PLD4: variants seen among roughly 807,000 people sequenced by gnomAD.
PLD4 encodes phospholipase D family member 4, also known as 5'-3' exonuclease PLD4.
A neutral mutation model predicts 52.3 loss-of-function variants in PLD4; 54 were observed. The ratio of observed to expected loss-of-function variants is 1.03; its 90% CI spans 0.83 to 1.30. PLD4 has a LOEUF of 1.30. PLD4 is among the 50% of genes most tolerant of loss of function. PLD4 has a pLI of 0.00. For synonymous variants in PLD4, 264 were observed against 286.5 expected (o/e 0.92, Z 0.79); for missense variants, 731 against 671.1 (o/e 1.09, Z -0.99).
rs1040311683 is a variant in PLD4, at chr14:104,928,934, T to C, written c.468+2T>C. ...GTCAACGACTCGTCTTCCCAGCTGG[T>C]GCGCCCCGCCCTGGCCCCACCGCAT... On this transcript the variant is annotated splice_donor_variant, in intron 4 of 10. Transcript: ENST00000392593. LOFTEE classifies it high-confidence loss of function. 1.3e-6 allele frequency: 2 copies of C among 1,594,716 alleles called. No homozygotes were observed. The highest frequency in any genetic ancestry group is 8.6e-7 in the Non-Finnish European group (1 of 1,165,970).
chr14:104,925,576 C>G (rs924337516), intron 1 of PLD4, among the ~76,000 whole-genome samples: 4 of 152,144 alleles, frequency 2.6e-5, no homozygotes, highest in African/African-American at 9.7e-5. Context: ...GAGCAGCTGT[C>G]CAAGAACAGC....
At chr14:104,925,523 T>C (rs546284035) in intron 1 of PLD4, among the ~76,000 whole-genome samples, 24 of 151,568 alleles carry the variant, frequency 1.6e-4, no homozygotes, top group Non-Finnish European at 3.1e-4. Context: ...CTGGAGCATT[T>C]AAGGGAGCAA....
In PLD4 at chr14:104,932,504, G is replaced by T; in HGVS notation, c.1321+149G>T. The T allele has an allele frequency of 1.0e-6, 1 of 954,090 alleles. No individual in the cohort carries two copies. The allele number at this position is 954,090 out of a possible 1,614,324, so 59.1% of individuals were successfully genotyped here. On this transcript the variant is annotated intron_variant, in intron 10 of 10. Transcript: ENST00000392593. This position sits in a 1 kb window ranked among gnomAD's most constrained non-coding sequence, Gnocchi z 6.5. ...GTCTCCATGGAGTTCCGGGGACCAG[G>T]CCACCCGCCTGTCACCTGGCCCCAC...
At position 104,931,975 on chromosome 14, in the gene PLD4, G is replaced by A. The variant is rs763279228; in HGVS notation, c.1059-37G>A. The A allele has an allele frequency of 2.6e-4, 393 of 1,540,098 alleles. 1 individual carries two copies. The highest frequency in any genetic ancestry group is 6.9e-4 in the Middle Eastern group (4 of 5,814). ...TCCTGCTGGGACCCCTATCGGGCCCGGCTTGTAAGCAGAGCCCCGTCCCTC... is the reference window on the plus strand; with the variant it reads ...TCCTGCTGGGACCCCTATCGGGCCCAGCTTGTAAGCAGAGCCCCGTCCCTC... On this transcript the variant is annotated intron_variant, in intron 8 of 10. Transcript: ENST00000392593.
In PLD4 at chr14:104,930,105, G is replaced by C; in HGVS notation, c.717G>C (p.Gln239His). ...SANMDWRSLTQVKELGAVIYN... is the reference protein window; with the variant it reads ...SANMDWRSLTHVKELGAVIYN... ...ACATGGACTGGCGGTCTCTGACGCA[G>C]GTGAGTGCCAGGGCCCTAACACAGG... Residue 239 changes from glutamine to histidine, a missense_variant and splice_region_variant, in exon 6 of 11, where the codon CAG becomes CAC. Coordinates refer to ENST00000392593, the MANE Select transcript of PLD4 (RefSeq NM_138790.5). The C allele has an allele frequency of 6.2e-7, 1 of 1,613,258 alleles. No individual in the cohort carries two copies. The highest frequency in any genetic ancestry group is 8.5e-7 in the Non-Finnish European group (1 of 1,179,968).
intron 6 of PLD4, 68 bp from the exon 7 acceptor site, chr14:104,930,674 G>A: frequency 1.9e-6 from 3 of 1,542,508 alleles, no homozygotes; most frequent in Non-Finnish European, 2.7e-6. Context: ...TCCCTGGCCT[G>A]GGTGGAGTGG....
chr14:104,928,902 C>A lies in PLD4; in HGVS notation c.438C>A (p.Asp146Glu). 6.2e-7 allele frequency: 1 copy of A among 1,606,362 alleles called. No individual in the cohort carries two copies. ...ACTACTGGTCCCTCACAGGGCCTGACATCGGGGTCAACGACTCGTCTTCCC... is the reference window on the plus strand; with the variant it reads ...ACTACTGGTCCCTCACAGGGCCTGAAATCGGGGTCAACGACTCGTCTTCCC... The part of the protein sequence containing the change: ...ASYYWSLTGP[D>E]IGVNDSSSQL... Residue 146 changes from aspartate to glutamate, a missense_variant, in exon 4 of 11, where the codon GAC becomes GAA. Physicochemically the swap from Asp to Glu is conservative, Grantham distance 45. Coordinates refer to ENST00000392593, the MANE Select transcript of PLD4 (RefSeq NM_138790.5).
intron 5 of PLD4, 38 bp downstream of exon 5, chr14:104,929,465 C>T (rs751404249): frequency 5.5e-5 from 83 of 1,512,782 alleles, no homozygotes; most frequent in African/African-American, 1.8e-4. Flanking sequence ...ACTGCCCTAG[C>T]GTCGGGCATG....
At chr14:104,928,046 G>T (rs1897518151) in intron 3 of PLD4, among the ~76,000 whole-genome samples, 180 bp downstream of exon 3, 1 of 152,144 alleles carries the variant, frequency 6.6e-6, no homozygotes, top group Non-Finnish European at 1.5e-5. Flanking sequence ...GGACGGGGCA[G>T]GCGTGTGGTG....
At chr14:104,926,320 CT>C (rs1897454558) in intron 1 of PLD4, among the ~76,000 whole-genome samples, 1 of 152,202 alleles carries the variant, frequency 6.6e-6, no homozygotes, top group African/African-American at 2.4e-5. Context: ...CGCCTCTGTA[CT>C]TGTGAGGCAC....
chr14:104,927,178 C>A lies in PLD4; in HGVS notation c.38C>A (p.Thr13Lys), dbSNP rs1897483152. 6.4e-7 allele frequency: 1 copy of A among 1,562,758 alleles called. No individual in the cohort carries two copies. Among genetic ancestry groups the A allele is most frequent in the East Asian group, 2.4e-5 (1 of 41,874 alleles). Reference protein sequence around the residue: ...KPLWKAAVAPTWPCSMPPRRP... With the variant: ...KPLWKAAVAPKWPCSMPPRRP... The stretch of plus-strand genomic sequence containing the variant: ...CTTTGGAAAGCAGCAGTGGCCCCCA[C>A]ATGGCCATGCTCCATGCCGCCCCGC... The change falls in exon 2 of 11, where the codon ACA becomes AAA. Residue 13 changes from threonine to lysine, a missense_variant. By Grantham distance (78) the Thr-to-Lys change is moderately conservative (BLOSUM62 -1). Coordinates refer to ENST00000392593, the MANE Select transcript of PLD4 (RefSeq NM_138790.5).
At position 104,930,939 on chromosome 14, in the gene PLD4, C is replaced by G; in HGVS notation, c.915C>G (p.Phe305Leu). 6.2e-7 allele frequency: 1 copy of G among 1,612,906 alleles called. No homozygotes were observed. Residue 305 changes from phenylalanine to leucine, a missense_variant, in exon 7 of 11, where the codon TTC becomes TTG. Coordinates refer to ENST00000392593, the MANE Select transcript of PLD4 (RefSeq NM_138790.5). The stretch of plus-strand genomic sequence containing the variant: ...ATGGGGTGCCCACCACTGCCTACTT[C>G]TCAGTAAGACGGGTTGAGAAGGAGC... ...LFDGVPTTAYFSASPPALCPQ... is the reference protein window; with the variant it reads ...LFDGVPTTAYLSASPPALCPQ...
At chr14:104,937,187 A>C (rs1179311030), downstream of PLD4, 2 of 152,234 alleles carry the variant, frequency 1.3e-5, no homozygotes, top group East Asian at 3.8e-4. Context: ...AGAGACCAGG[A>C]GTGTGTGGGA....
At position 104,928,915 on chromosome 14, in the gene PLD4, G is replaced by A. The variant is rs778769968; in HGVS notation, c.451G>A (p.Asp151Asn). Residue 151 changes from aspartate (D) to asparagine (N), a missense_variant, in exon 4 of 11, where the codon GAC (aspartate) becomes AAC (asparagine). By Grantham distance (23) the Asp-to-Asn change is conservative. Coordinates refer to ENST00000392593, the MANE Select transcript of PLD4 (RefSeq NM_138790.5). The part of the protein sequence containing the change: ...SLTGPDIGVN[D>N]SSSQLGEALL... Reference sequence around the variant, plus strand: ...CACAGGGCCTGACATCGGGGTCAACGACTCGTCTTCCCAGCTGGTGCGCCC... The same window carrying A: ...CACAGGGCCTGACATCGGGGTCAACAACTCGTCTTCCCAGCTGGTGCGCCC... 1.1e-5 allele frequency: 17 copies of A among 1,601,302 alleles called. No homozygotes were observed. Among genetic ancestry groups the A allele is most frequent in the African/African-American group, 5.4e-5 (4 of 74,714 alleles).
At position 104,927,249 on chromosome 14, in the gene PLD4, A is replaced by G; in HGVS notation, c.90+19A>G. The G allele has an allele frequency of 1.3e-6, 2 of 1,523,358 alleles. No individual in the cohort carries two copies. The highest frequency in any genetic ancestry group is 1.2e-5 in the South Asian group (1 of 81,992). 94.4% of individuals were successfully genotyped at this position (1,523,358 alleles called of 1,614,324 possible). A position where few individuals can be genotyped will look rare whatever the true frequency, so the allele number is the denominator to read the frequency against. On this transcript the variant is annotated intron_variant, in intron 2 of 10. Coordinates refer to ENST00000392593, the MANE Select transcript of PLD4 (RefSeq NM_138790.5). ...TGGCACGGTAGGACTGGGGGGCCCC[A>G]GGGGGGAGGTGGCTGGGATCAATGG...
At chr14:104,933,299 T>C (rs753377112), downstream of PLD4, 20 of 237,226 alleles carry the variant, frequency 8.4e-5, no homozygotes, top group Non-Finnish European at 8.1e-5. Flanking sequence ...GGCCCGCCTC[T>C]ATGCGCCCGC....
downstream of PLD4, chr14:104,934,630 G>A (rs548160918): frequency 6.6e-6 from 1 of 152,152 alleles, no homozygotes; most frequent in Admixed American, 6.5e-5. Flanking sequence ...ATGCTCTCCC[G>A]GTCTTGAGGC....
chr14:104,933,169 A>C lies in PLD4; in HGVS notation c.*205A>C. 1.7e-6 allele frequency: 1 copy of C among 573,806 alleles called. No individual in the cohort carries two copies. Among genetic ancestry groups the C allele is most frequent in the Admixed American group, 3.6e-5 (1 of 27,924 alleles). The allele number at this position is 573,806 out of a possible 1,614,324, so 35.5% of individuals were successfully genotyped here. A position where few individuals can be genotyped will look rare whatever the true frequency, so the allele number is the denominator to read the frequency against. ...CCCCTGAGCCCCACCTCCTCCAGGG[A>C]GCCCTCCAGGAAGCCCCTTCCCTGA... On this transcript the variant is annotated 3_prime_UTR_variant, in exon 11 of 11. Transcript: ENST00000392593.
intron 6 of PLD4, 102 bp from the exon 7 acceptor site, chr14:104,930,640 G>A: frequency 7.9e-7 from 1 of 1,267,240 alleles, no homozygotes; most frequent in South Asian, 1.3e-5. Context: ...GACCAGTCGG[G>A]CAGGGACTGC....
Sources: gnomAD v4.1 joint callset for allele counts (sites outside exome capture counted in the v4.1 genomes callset) on GRCh38, gnomAD v4.1.1 for gene constraint, Gnocchi (gnomAD v3.1) non-coding constraint, MANE v1.5 for transcripts, NCBI Gene and HGNC (gene_info 2026-07-23, HGNC 2026-07-21) for gene names.